SLC24A2: variants seen among roughly 807,000 people sequenced by gnomAD.
SLC24A2 encodes the protein solute carrier family 24 member 2.
A neutral mutation model predicts 62.0 loss-of-function variants in SLC24A2; 36 were observed. That is an observed-to-expected ratio of 0.58 (90% CI 0.44 to 0.77). The LOEUF (loss-of-function observed/expected upper bound fraction) is 0.77. SLC24A2 is among the 30% of genes least tolerant of loss of function. The probability of loss-of-function intolerance (pLI) is 0.00; values close to 1 mark genes in which losing one functional copy is unlikely to be tolerated. For synonymous variants in SLC24A2, 358 were observed against 294.0 expected, an observed-to-expected ratio of 1.22 and a Z score of -2.23; for missense variants, 846 against 817.9, an observed-to-expected ratio of 1.03 and a Z score of -0.42.
At chr9:20,162,252 T>C in the SLC24A2 span, among the ~76,000 whole-genome samples, 2 of 150,626 alleles carry the variant, frequency 1.3e-5, no homozygotes, top group Non-Finnish European at 3.0e-5. Context: ...AAAAACAAAA[T>C]AGGCTTCATC....
the SLC24A2 span, among the ~76,000 whole-genome samples, chr9:19,895,511 C>T: frequency 1.3e-5 from 2 of 149,354 alleles, no homozygotes; most frequent in East Asian, 2.0e-4. Flanking sequence ...TGATATCTAA[C>T]ACATTCCCCT....
the SLC24A2 span, among the ~76,000 whole-genome samples, chr9:19,905,285 C>A: frequency 6.6e-6 from 1 of 152,144 alleles, no homozygotes; most frequent in South Asian, 2.1e-4. Flanking sequence ...TTCAGCTCCC[C>A]GGTATTGTCC....
the SLC24A2 span, among the ~76,000 whole-genome samples, chr9:19,940,054 G>T: frequency 6.6e-6 from 1 of 152,234 alleles, no homozygotes; most frequent in African/African-American, 2.4e-5. Context: ...TTGGGGGTTT[G>T]AGGGGATGCT....
At chr9:19,752,702 AAG>A (rs5896861) in intron 2 of SLC24A2, among the ~76,000 whole-genome samples, 2 of 151,412 alleles carry the variant, frequency 1.3e-5, no homozygotes, top group Non-Finnish European at 2.9e-5. Context: ...CACTGAGAGA[AAG>A]AGAGAGAGAG....
chr9:19,576,169 T>C (rs1429517803), intron 6 of SLC24A2, among the ~76,000 whole-genome samples: 1 of 152,192 alleles, frequency 6.6e-6, no homozygotes, highest in African/African-American at 2.4e-5. Context: ...AGCAATGCTG[T>C]TGAATTTTGT....
intron 5 of SLC24A2, among the ~76,000 whole-genome samples, chr9:19,593,740 G>A (rs1836624092): frequency 1.3e-5 from 2 of 152,026 alleles, no homozygotes; most frequent in African/African-American, 4.8e-5. Context: ...AAGCTGCAGT[G>A]GAACCCAAAG....
At chr9:20,253,987 A>C in the SLC24A2 span, among the ~76,000 whole-genome samples, 10 of 152,278 alleles carry the variant, frequency 6.6e-5, no homozygotes, top group South Asian at 1.2e-3. Context: ...AGGGAATATG[A>C]GGTTGAAATA....
chr9:19,901,859 AG>A, the SLC24A2 span, among the ~76,000 whole-genome samples: 1 of 149,878 alleles, frequency 6.7e-6, no homozygotes, highest in Non-Finnish European at 1.5e-5. Context: ...GCGGGGTGGG[AG>A]GGGGGACTGA....
the SLC24A2 span, among the ~76,000 whole-genome samples, chr9:20,292,867 T>C: frequency 2.4e-4 from 36 of 152,336 alleles, no homozygotes; most frequent in East Asian, 5.4e-3. Context: ...AAAGGGATTA[T>C]AGGCATAGGC....
the SLC24A2 span, among the ~76,000 whole-genome samples, chr9:20,161,632 T>C: frequency 6.6e-6 from 1 of 151,298 alleles, no homozygotes; most frequent in Non-Finnish European, 1.5e-5. Flanking sequence ...CCTCCTTAAA[T>C]CCTGAAAAAG....
At chr9:19,765,883 A>C (rs1297358656) in intron 2 of SLC24A2, among the ~76,000 whole-genome samples, 2 of 152,152 alleles carry the variant, frequency 1.3e-5, no homozygotes, top group African/African-American at 2.4e-5. Flanking sequence ...TAATATCCTG[A>C]AGTGTGTTTT....
the SLC24A2 span, among the ~76,000 whole-genome samples, chr9:20,274,435 T>C: frequency 1.3e-5 from 2 of 152,224 alleles, no homozygotes; most frequent in African/African-American, 4.8e-5. Context: ...AAAAGTGTCC[T>C]GATCCAATTA....
intron 5 of SLC24A2, among the ~76,000 whole-genome samples, chr9:19,596,345 A>T (rs1423994750): frequency 6.6e-6 from 1 of 152,210 alleles, no homozygotes; most frequent in African/African-American, 2.4e-5. Flanking sequence ...GTCAGTATCC[A>T]TGTAAAAGTC....
At chr9:19,859,204 G>T in the SLC24A2 span, among the ~76,000 whole-genome samples, 6 of 152,150 alleles carry the variant, frequency 3.9e-5, no homozygotes, top group Admixed American at 2.0e-4. Flanking sequence ...CAGAAACATG[G>T]ATGGAACTGG....
chr9:19,813,796 G>A, the SLC24A2 span, among the ~76,000 whole-genome samples: 1 of 152,078 alleles, frequency 6.6e-6, no homozygotes, highest in African/African-American at 2.4e-5. Flanking sequence ...CTTATAAAGA[G>A]ACCATAAAGA....
At chr9:20,204,052 A>C in the SLC24A2 span, among the ~76,000 whole-genome samples, 2 of 152,262 alleles carry the variant, frequency 1.3e-5, no homozygotes, top group African/African-American at 4.8e-5. Flanking sequence ...TATTAAAAAC[A>C]CATTCAGAGT....
chr9:19,892,382 C>T, the SLC24A2 span, among the ~76,000 whole-genome samples: 1 of 152,156 alleles, frequency 6.6e-6, no homozygotes, highest in African/African-American at 2.4e-5. Context: ...TCTGTTTTAT[C>T]CCTCTCTCCC....
At chr9:19,890,758 G>T in the SLC24A2 span, among the ~76,000 whole-genome samples, 1 of 151,928 alleles carries the variant, frequency 6.6e-6, no homozygotes, top group Admixed American at 6.6e-5. Flanking sequence ...CAATCCTCCC[G>T]CCTCAGCCTC....
intron 2 of SLC24A2, among the ~76,000 whole-genome samples, chr9:19,723,249 G>T (rs1695432357): frequency 6.6e-6 from 1 of 152,044 alleles, no homozygotes; most frequent in Non-Finnish European, 1.5e-5. Flanking sequence ...TTTAGGTAGT[G>T]CTTTATCTAG....
Sources: allele counts gnomAD v4.1 joint callset (sites outside exome capture counted in the v4.1 genomes callset), GRCh38; gene constraint gnomAD v4.1.1; transcripts MANE v1.5; gene names NCBI Gene and HGNC (gene_info 2026-07-23, HGNC 2026-07-21).